Variants in ASH1L observed in about 807,000 individuals in gnomAD.
ASH1L encodes the protein ASH1 like histone lysine methyltransferase, also known as histone-lysine N-methyltransferase ASH1L.
ASH1L carries 23 observed loss-of-function variants against 269.0 expected under a neutral mutation model. The ratio of observed to expected loss-of-function variants is 0.09; its 90% confidence interval spans 0.06 to 0.12. The LOEUF is 0.12. ASH1L is among the 10% of genes least tolerant of loss of function. ASH1L has a pLI of 1.00. For missense variants in ASH1L, 2,912 were observed against 3,567.8 expected (o/e 0.82, Z 4.68); for synonymous variants, 1,187 against 1,253.5 (o/e 0.95, Z 1.12).
At chr1:155,424,852 C>T (rs1047586229) in intron 5 of ASH1L, among the ~76,000 whole-genome samples, 1 of 152,056 alleles carries the variant, frequency 6.6e-6, no homozygotes, top group Non-Finnish European at 1.5e-5. Context: ...TTTGCCCAGG[C>T]TGGAGTGCAA....
chr1:155,468,679 C>T (rs1664873252), intron 3 of ASH1L, among the ~76,000 whole-genome samples: 1 of 152,020 alleles, frequency 6.6e-6, no homozygotes, highest in African/African-American at 2.4e-5. Context: ...AGGTGATCAA[C>T]AATATTGCAA....
intron 2 of ASH1L, among the ~76,000 whole-genome samples, chr1:155,512,773 T>C (rs1182128924): frequency 6.6e-6 from 1 of 151,966 alleles, no homozygotes; most frequent in African/African-American, 2.4e-5. Flanking sequence ...CTGGGCACAG[T>C]GGCTCACTGG....
intron 2 of ASH1L, among the ~76,000 whole-genome samples, chr1:155,496,968 C>T (rs1667195969): frequency 6.6e-6 from 1 of 152,018 alleles, no homozygotes; most frequent in African/African-American, 2.4e-5. Flanking sequence ...TTCTATTCGG[C>T]GTCAGTGATT....
At chr1:155,502,477 A>G (rs1244097479) in intron 2 of ASH1L, among the ~76,000 whole-genome samples, 2 of 152,218 alleles carry the variant, frequency 1.3e-5, no homozygotes, top group Admixed American at 6.5e-5. Flanking sequence ...TATTTGTTTT[A>G]TGCTTACAGA....
Position 155,478,613 on chromosome 1 carries a change from C to T in ASH1L, c.4257G>A (p.Thr1419=), listed in dbSNP as rs200364469. 256 of 1,613,804 alleles carry T rather than the reference C, an allele frequency of 1.6e-4. No individual in the cohort carries two copies. In the Admixed American group the frequency reaches 3.4e-3, roughly 21 times the overall value. The stretch of plus-strand genomic sequence containing the variant: ...GCATATAGGAAGGAGGTGGAAGTGG[C>T]GTGGTGAAAGAAGGAGATGGAGGAG... ...YPPPPSPSFT[T]PLPPPSYMHA... is the part of the protein sequence containing the mutation. The change falls in exon 3 of 28, where the codon ACG becomes ACA. Residue 1419 remains threonine, a synonymous_variant. Coordinates refer to ENST00000392403, the MANE Select transcript of ASH1L (RefSeq NM_018489.3). The surrounding 1 kb of genome is among the most constrained non-coding windows in gnomAD (Gnocchi z 4.6).
chr1:155,480,245 A>C lies in ASH1L; in HGVS notation c.2625T>G (p.Pro875=). 1 of 1,614,170 alleles carries C rather than the reference A, an allele frequency of 6.2e-7. No individual in the cohort carries two copies. Among genetic ancestry groups the C allele is most frequent in the Non-Finnish European group, 8.5e-7 (1 of 1,180,010 alleles). The change falls in exon 3 of 28, where the codon CCT becomes CCG. Residue 875 remains proline, a synonymous_variant. Coordinates refer to ENST00000392403, the MANE Select transcript of ASH1L (RefSeq NM_018489.3). Reference sequence around the variant, plus strand: ...ACACAGACAGACCTTGTTTGAAGGAAGGGATTTCAATTTCTGGCTGTAAAA... The same window carrying C: ...ACACAGACAGACCTTGTTTGAAGGACGGGATTTCAATTTCTGGCTGTAAAA... ...PPILQPEIEI[P]SFKQGLSVSP... is the part of the protein sequence containing the mutation.
intron 6 of ASH1L, among the ~76,000 whole-genome samples, chr1:155,405,182 A>T (rs914734422): frequency 6.6e-6 from 1 of 151,460 alleles, no homozygotes; most frequent in Non-Finnish European, 1.5e-5. Context: ...ACTATAAAAC[A>T]CTGTTAAAAG....
At position 155,562,320 on chromosome 1, in the gene ASH1L, A is replaced by T. The variant is rs760496465; in HGVS notation, c.-267T>A. The stretch of plus-strand genomic sequence containing the variant: ...ACTGGCGGAAATGCGAGAGAGGAGA[A>T]GGGAAAGGTGGAAGGCTAAAGGGGG... On this transcript the variant is annotated 5_prime_UTR_variant, in exon 1 of 28. Transcript: ENST00000392403. The T allele has an allele frequency of 8.2e-6, 13 of 1,581,820 alleles. No homozygotes were observed. The Admixed American group carries it at 2.2e-4, about 27-fold the overall frequency.
chr1:155,557,035 CA>C (rs941258498), intron 1 of ASH1L, among the ~76,000 whole-genome samples: 1 of 151,878 alleles, frequency 6.6e-6, no homozygotes, highest in African/African-American at 2.4e-5. Context: ...GACCCTGTCT[CA>C]AAAAAATTTT....
At chr1:155,457,972 T>G (rs1260354644) in intron 4 of ASH1L, among the ~76,000 whole-genome samples, 1 of 152,200 alleles carries the variant, frequency 6.6e-6, no homozygotes, top group Admixed American at 6.5e-5. Flanking sequence ...TACCTCATAT[T>G]ATACTTCATC....
chr1:155,409,089 A>G (rs1659548842), intron 6 of ASH1L, among the ~76,000 whole-genome samples: 1 of 151,940 alleles, frequency 6.6e-6, no homozygotes. Flanking sequence ...CAGTGGCGCA[A>G]TCTCAGCTCA....
chr1:155,447,477 G>A (rs901140815), intron 4 of ASH1L, among the ~76,000 whole-genome samples: 2 of 152,122 alleles, frequency 1.3e-5, no homozygotes, highest in African/African-American at 4.8e-5. Context: ...CAATCCGCAT[G>A]CCTCAGGCTC....
chr1:155,342,221 T>C, intron 24 of ASH1L, 119 bp from the exon 25 acceptor site: 1 of 881,402 alleles, frequency 1.1e-6, no homozygotes. Context: ...ACATGGTAGC[T>C]ATGTAGAGAG....
At chr1:155,395,015 T>C (rs890215011) in intron 7 of ASH1L, among the ~76,000 whole-genome samples, 4 of 152,152 alleles carry the variant, frequency 2.6e-5, no homozygotes, top group Non-Finnish European at 4.4e-5. Context: ...GACTACACCA[T>C]AGCCTCAAAA....
chr1:155,346,591 C>A (rs1436571248), intron 20 of ASH1L, 122 bp from the exon 21 acceptor site: 3 of 742,062 alleles, frequency 4.0e-6, no homozygotes, highest in Non-Finnish European at 7.0e-6. Context: ...TAAGGGATAA[C>A]TGGGTGAATG....
At chr1:155,354,380 T>G in intron 16 of ASH1L, 93 bp downstream of exon 16, 1 of 1,146,998 alleles carries the variant, frequency 8.7e-7, no homozygotes, top group East Asian at 2.5e-5. Flanking sequence ...GAGGCAGAGG[T>G]TGCAGTGAGC....
intron 1 of ASH1L, among the ~76,000 whole-genome samples, chr1:155,554,973 T>C (rs1241079692): frequency 6.6e-6 from 1 of 151,074 alleles, no homozygotes; most frequent in East Asian, 2.0e-4. Context: ...TGAAACCCCA[T>C]CTCTACTAAA....
At chr1:155,369,218 C>A (rs190176884) in intron 12 of ASH1L, among the ~76,000 whole-genome samples, 1 of 151,926 alleles carries the variant, frequency 6.6e-6, no homozygotes, top group Non-Finnish European at 1.5e-5. Context: ...CCGAGGCGGG[C>A]GGATCACAAG....
intron 25 of ASH1L, among the ~76,000 whole-genome samples, chr1:155,339,780 A>G (rs1349216564): frequency 6.6e-6 from 1 of 152,246 alleles, no homozygotes; most frequent in Non-Finnish European, 1.5e-5. Flanking sequence ...CCTAGGCTAC[A>G]AGCCTATATA....
Sources: allele counts gnomAD v4.1 joint callset (sites outside exome capture counted in the v4.1 genomes callset), GRCh38; gene constraint gnomAD v4.1.1; non-coding constraint Gnocchi (gnomAD v3.1); transcripts MANE v1.5; gene names NCBI Gene and HGNC (gene_info 2026-07-23, HGNC 2026-07-21).